ASIC2: variants seen among roughly 807,000 people sequenced by gnomAD.
ASIC2 encodes the protein acid sensing ion channel subunit 2.
Under a neutral mutation model 57.3 loss-of-function variants are expected in ASIC2, and 25 were observed. The ratio of observed to expected loss-of-function variants is 0.44; its 90% CI spans 0.32 to 0.61. ASIC2 has a LOEUF of 0.61. Among genes scored for constraint, ASIC2 ranks in the 20% least tolerant of loss-of-function variants. ASIC2 has a pLI of 0.06. For missense variants in ASIC2, 641 were observed against 738.1 expected (o/e 0.87, Z 1.52); for synonymous variants, 319 against 307.5 (o/e 1.04, Z -0.39).
chr17:33,321,778 A>AT (rs1423796075), intron 1 of ASIC2, among the ~76,000 whole-genome samples: 1 of 152,076 alleles, frequency 6.6e-6, no homozygotes, highest in African/African-American at 2.4e-5. Context: ...TTCATTATGC[A>AT]TTTTCTTTTT....
chr17:33,635,708 C>T (rs1405404486), intron 1 of ASIC2, among the ~76,000 whole-genome samples: 5 of 152,180 alleles, frequency 3.3e-5, no homozygotes, highest in Non-Finnish European at 7.4e-5. Context: ...AGGCAGAGAA[C>T]AAGAAATTGC....
rs73982758 is a variant in ASIC2 at position 33,357,450 on chromosome 17, A to G, written c.556-245383T>C. Among the ~76,000 whole-genome samples the G allele has an allele frequency of 2.8e-3, 428 of 152,168 alleles. 5 individuals carry two copies. Among genetic ancestry groups the G allele is most frequent in the African/African-American group, 9.7e-3 (405 of 41,564 alleles). On this transcript the variant is annotated intron_variant, in intron 1 of 9. Transcript: ENST00000359872. ...TTGCTCCAGTAGATCTTAGGCAGTT[A>G]GTTATTTCCTTGAGCTCAGGGCAGT...
At chr17:33,166,957 A>G (rs1365902189) in intron 1 of ASIC2, among the ~76,000 whole-genome samples, 1 of 152,270 alleles carries the variant, frequency 6.6e-6, no homozygotes, top group Admixed American at 6.5e-5. Context: ...CTGGAATCAT[A>G]GAATCACAGA....
chr17:33,257,144 C>T (rs1909111324), intron 1 of ASIC2, among the ~76,000 whole-genome samples: 1 of 152,174 alleles, frequency 6.6e-6, no homozygotes, highest in African/African-American at 2.4e-5. Flanking sequence ...TTCAGATTCC[C>T]AGCCTATCTG....
intron 1 of ASIC2, among the ~76,000 whole-genome samples, chr17:33,205,728 T>C (rs1907036080): frequency 6.6e-6 from 1 of 152,172 alleles, no homozygotes; most frequent in Non-Finnish European, 1.5e-5. Context: ...ACCTTTATCT[T>C]GGCTTGGTGA....
intron 1 of ASIC2, among the ~76,000 whole-genome samples, chr17:33,144,520 C>T (rs1401674407): frequency 6.6e-6 from 1 of 152,182 alleles, no homozygotes. Context: ...AAACTCCTCC[C>T]TTTACCCAAG....
At chr17:33,718,489 C>A (rs1348974600) in intron 1 of ASIC2, among the ~76,000 whole-genome samples, 1 of 151,918 alleles carries the variant, frequency 6.6e-6, no homozygotes, top group African/African-American at 2.4e-5. Context: ...AGAAGATGCC[C>A]TTGTAGTAGG....
At chr17:33,540,973 A>G (rs1915389909) in intron 1 of ASIC2, among the ~76,000 whole-genome samples, 1 of 152,098 alleles carries the variant, frequency 6.6e-6, no homozygotes, top group African/African-American at 2.4e-5. Context: ...TGTTATTTTC[A>G]TCTTCTTAAA....
Position 33,334,738 on chromosome 17 carries a change from G to T in ASIC2, c.556-222671C>A, listed in dbSNP as rs73982753. On this transcript the variant is annotated intron_variant, in intron 1 of 9. Coordinates refer to the ASIC2 transcript ENST00000359872. ...CAACCCAACCCAAGACCACATGATGGCTTGTGTGTCATCCTCTCTTGACAT... is the reference window on the plus strand; with the variant it reads ...CAACCCAACCCAAGACCACATGATGTCTTGTGTGTCATCCTCTCTTGACAT... 1.9e-3 allele frequency among the ~76,000 whole-genome samples: 293 copies of T among 152,294 alleles called. 3 individuals carry two copies. Among genetic ancestry groups the T allele is most frequent in the African/African-American group, 6.6e-3 (275 of 41,562 alleles).
chr17:33,443,629 G>C (rs1479456789), intron 1 of ASIC2, among the ~76,000 whole-genome samples: 1 of 150,796 alleles, frequency 6.6e-6, no homozygotes, highest in Non-Finnish European at 1.5e-5. Flanking sequence ...TTTTAGCCGG[G>C]ATGGTCTCGA....
chr17:33,211,242 T>C (rs1255547227), intron 1 of ASIC2, among the ~76,000 whole-genome samples: 1 of 152,116 alleles, frequency 6.6e-6, no homozygotes, highest in Non-Finnish European at 1.5e-5. Flanking sequence ...CTGAAGGTGA[T>C]GCAGCTGTGT....
At chr17:33,368,186 T>C (rs190188516) in intron 1 of ASIC2, among the ~76,000 whole-genome samples, 1 of 152,328 alleles carries the variant, frequency 6.6e-6, no homozygotes, top group African/African-American at 2.4e-5. Context: ...CTGTATGACT[T>C]CTGAGTCTAG....
chr17:33,613,369 CT>C (rs546720725), intron 1 of ASIC2, among the ~76,000 whole-genome samples: 31,545 of 126,758 alleles, frequency 0.25, 3,873 homozygotes, highest in East Asian at 0.4. Flanking sequence ...AATGTGTATT[CT>C]TTTTTTTTTT....
Position 33,037,412 on chromosome 17 carries a change from T to TTTG in ASIC2, c.988-9021_988-9020insCAA, listed in dbSNP as rs1555564724. On this transcript the variant is annotated intron_variant, in intron 3 of 9. Transcript: ENST00000225823. ...CTCTTTTTTTTTTTTTTTTTTTTTT[T>TTTG]GCAGAGGTCATGATTCAGATACCCC... Among the ~76,000 whole-genome samples, 75 of 128,624 alleles carry TTTG rather than the reference T, an allele frequency of 5.8e-4. 6 individuals are homozygous for TTTG. The highest frequency in any genetic ancestry group is 9.1e-4 in the East Asian group (4 of 4,392). The allele number at this position is 128,624 out of a possible 152,430, so 84.4% of individuals were successfully genotyped here.
intron 1 of ASIC2, among the ~76,000 whole-genome samples, chr17:33,335,649 C>T (rs994547720): frequency 2.0e-5 from 3 of 152,182 alleles, no homozygotes; most frequent in Non-Finnish European, 4.4e-5. Context: ...AGGAAGCATT[C>T]CCCGTGGCTA....
chr17:33,348,336 A>G (rs1017657783), intron 1 of ASIC2, among the ~76,000 whole-genome samples: 2 of 151,920 alleles, frequency 1.3e-5, no homozygotes, highest in African/African-American at 4.8e-5. Context: ...CTGCGTGTGT[A>G]TGTGTGTGTG....
chr17:34,006,526 T>C (rs546541369), intron 1 of ASIC2: 19 of 152,372 alleles, frequency 1.2e-4, no homozygotes, highest in African/African-American at 4.6e-4. Context: ...AAAATCAGAC[T>C]CATATCACCT....
Position 33,963,651 on chromosome 17 carries a change from A to G in ASIC2, c.555+192327T>C, listed in dbSNP as rs60486153. On this transcript the variant is annotated intron_variant, in intron 1 of 9. Transcript: ENST00000359872. ...TATATTCCATATAATATATAATAAT[A>G]TGCATAATATATATCACCATCATTG... 8.6e-3 allele frequency among the ~76,000 whole-genome samples: 1,308 copies of G among 151,846 alleles called. 21 individuals carry two copies. The highest frequency in any genetic ancestry group is 0.029 in the African/African-American group (1,214 of 41,404).
intron 1 of ASIC2, among the ~76,000 whole-genome samples, chr17:33,125,490 A>G (rs1372234116): frequency 6.6e-6 from 1 of 152,254 alleles, no homozygotes; most frequent in Non-Finnish European, 1.5e-5. Flanking sequence ...AGAGGCTTTC[A>G]CAATGAAAGA....
Sources: allele counts gnomAD v4.1 joint callset (sites outside exome capture counted in the v4.1 genomes callset), GRCh38; gene constraint gnomAD v4.1.1; transcripts MANE v1.5; gene names NCBI Gene and HGNC (gene_info 2026-07-23, HGNC 2026-07-21).